The following CAPN7 variants were observed in gnomAD, a reference collection of about 807,000 sequenced individuals.
The protein encoded by CAPN7 is calpain-7.
A neutral mutation model predicts 115.2 loss-of-function variants in CAPN7; 72 were observed. That is an observed-to-expected ratio of 0.63 (90% CI 0.52 to 0.76). The LOEUF (loss-of-function observed/expected upper bound fraction) is 0.76, where lower values mean the gene tolerates loss of function less well. Ranked by LOEUF, CAPN7 falls within the 30% of genes least tolerant of loss-of-function variation. The pLI is 0.00. For synonymous variants in CAPN7, 344 were observed against 322.3 expected (o/e 1.07, Z -0.72); for missense variants, 905 against 971.5 (o/e 0.93, Z 0.91).
chr3:15,247,212 G>T (rs541037025), intron 18 of CAPN7, 115 bp from the exon 19 acceptor site: 7 of 739,640 alleles, frequency 9.5e-6, no homozygotes, highest in Non-Finnish European at 1.5e-5. Context: ...GAGAGGGGTT[G>T]GAGACACAGA....
chr3:15,210,595 C>T (rs2044877332), intron 1 of CAPN7, among the ~76,000 whole-genome samples: 1 of 98,006 alleles, frequency 1.0e-5, no homozygotes, highest in African/African-American at 8.7e-5. Context: ...TTGCTTCCTT[C>T]CTTTTTTTTT....
At chr3:15,234,286 A>G (rs1694863834) in intron 11 of CAPN7, among the ~76,000 whole-genome samples, 1 of 152,260 alleles carries the variant, frequency 6.6e-6, no homozygotes, top group Non-Finnish European at 1.5e-5. Flanking sequence ...ATTGCACTCC[A>G]GCCTGGGCAA....
At chr3:15,213,832 A>G (rs3864042) in intron 2 of CAPN7, among the ~76,000 whole-genome samples, 8,448 of 152,052 alleles carry the variant, frequency 0.056, 825 homozygotes, top group African/African-American at 0.19. Context: ...AGACACCCCA[A>G]TCTCTTGAAG....
At chr3:15,247,718 T>G (rs1358375594) in intron 19 of CAPN7, among the ~76,000 whole-genome samples, 1 of 152,036 alleles carries the variant, frequency 6.6e-6, no homozygotes, top group African/African-American at 2.4e-5. Context: ...GGCAAAACAA[T>G]ACAGCTTCTA....
intron 2 of CAPN7, among the ~76,000 whole-genome samples, chr3:15,214,347 T>A (rs909423723): frequency 6.6e-6 from 1 of 152,236 alleles, no homozygotes; most frequent in Non-Finnish European, 1.5e-5. Context: ...CCCTAAGTTT[T>A]AAAACAAGAT....
chr3:15,216,960 G>C (rs1156340310), intron 2 of CAPN7, among the ~76,000 whole-genome samples: 1 of 151,992 alleles, frequency 6.6e-6, no homozygotes. Flanking sequence ...GAGGAAGGCT[G>C]GGCATGGTGG....
intron 9 of CAPN7, 43 bp downstream of exon 9, chr3:15,230,578 G>C: frequency 8.9e-7 from 1 of 1,129,652 alleles, no homozygotes; most frequent in Non-Finnish European, 1.3e-6. Flanking sequence ...GTCTCTCTCC[G>C]TTCCCTACCT....
intron 8 of CAPN7, among the ~76,000 whole-genome samples, chr3:15,229,904 G>A (rs373620905): frequency 7.2e-5 from 11 of 152,074 alleles, no homozygotes; most frequent in East Asian, 1.9e-4. Context: ...TTTCCTGAGC[G>A]GTTTTTGTGT....
chr3:15,248,618 T>C (rs920504391), intron 19 of CAPN7, among the ~76,000 whole-genome samples: 1 of 152,192 alleles, frequency 6.6e-6, no homozygotes, highest in Non-Finnish European at 1.5e-5. Context: ...ACCCAGGTGT[T>C]TATTCACTTT....
At chr3:15,219,344 T>C (rs534257783) in intron 4 of CAPN7, among the ~76,000 whole-genome samples, 6 of 152,330 alleles carry the variant, frequency 3.9e-5, no homozygotes, top group East Asian at 3.9e-4. Context: ...TCATGAATTA[T>C]CTCCTTTTGA....
intron 6 of CAPN7, among the ~76,000 whole-genome samples, chr3:15,226,613 C>T (rs1694331946): frequency 6.6e-6 from 1 of 152,112 alleles, no homozygotes; most frequent in African/African-American, 2.4e-5. Flanking sequence ...TTACAGTTAG[C>T]TCCTGGTATT....
At chr3:15,249,372 A>G (rs1196121822) in intron 19 of CAPN7, among the ~76,000 whole-genome samples, 2 of 152,104 alleles carry the variant, frequency 1.3e-5, no homozygotes, top group South Asian at 2.1e-4. Flanking sequence ...ACTCCTTCAC[A>G]TATTTGTGGA....
intron 5 of CAPN7, among the ~76,000 whole-genome samples, chr3:15,222,859 G>C (rs1328276212): frequency 6.6e-6 from 1 of 152,122 alleles, no homozygotes; most frequent in Non-Finnish European, 1.5e-5. Flanking sequence ...CCAGGCTATT[G>C]TTACCTAAAG....
intron 19 of CAPN7, among the ~76,000 whole-genome samples, chr3:15,250,120 C>T (rs1695916715): frequency 6.6e-6 from 1 of 150,494 alleles, no homozygotes; most frequent in Non-Finnish European, 1.5e-5. Context: ...AGGCTGTAAT[C>T]CCAGCACTTT....
At chr3:15,208,707 C>T (rs2044768498) in intron 1 of CAPN7, among the ~76,000 whole-genome samples, 1 of 152,052 alleles carries the variant, frequency 6.6e-6, no homozygotes, top group African/African-American at 2.4e-5. Context: ...ATGACTAGTG[C>T]AAATTTTTGC....
intron 19 of CAPN7, among the ~76,000 whole-genome samples, chr3:15,249,833 C>T (rs767262491): frequency 6.7e-6 from 1 of 149,684 alleles, no homozygotes; most frequent in Admixed American, 6.6e-5. Flanking sequence ...TGTGTGATCT[C>T]GGCTCACTGC....
chr3:15,230,666 T>C (rs1437106528), intron 9 of CAPN7, 131 bp downstream of exon 9: 1 of 558,674 alleles, frequency 1.8e-6, no homozygotes, highest in Non-Finnish European at 3.3e-6. Flanking sequence ...TATTATATAT[T>C]ACTACCAGTA....
chr3:15,247,482 A>G, intron 19 of CAPN7, 25 bp downstream of exon 19: 1 of 1,569,292 alleles, frequency 6.4e-7, no homozygotes. Context: ...ACTTTCTTAA[A>G]TTAATGATGT....
At chr3:15,248,119 T>C (rs1447777219) in intron 19 of CAPN7, among the ~76,000 whole-genome samples, 2 of 152,086 alleles carry the variant, frequency 1.3e-5, no homozygotes, top group Admixed American at 1.3e-4. Flanking sequence ...GGCACATGTA[T>C]ACATATGTAA....
Sources: gnomAD v4.1 joint callset for allele counts (sites outside exome capture counted in the v4.1 genomes callset) on GRCh38, gnomAD v4.1.1 for gene constraint, MANE v1.5 for transcripts, NCBI Gene and HGNC (gene_info 2026-07-23, HGNC 2026-07-21) for gene names.